Variants in CTNNA2 observed in about 807,000 individuals in gnomAD.
The protein encoded by CTNNA2 is catenin alpha 2.
CTNNA2 carries 42 observed loss-of-function variants against 101.0 expected under a neutral mutation model. The observed-to-expected ratio is 0.42, with a 90% CI of 0.32 to 0.54. The LOEUF is 0.54. CTNNA2 is among the 20% of genes least tolerant of loss of function. The pLI is 0.14. For missense variants in CTNNA2, 871 were observed against 1,223.1 expected (o/e 0.71, Z 4.29); for synonymous variants, 450 against 456.4 (o/e 0.99, Z 0.18).
chr2:80,250,468 C>A (rs553114724), intron 7 of CTNNA2, among the ~76,000 whole-genome samples: 1 of 152,104 alleles, frequency 6.6e-6, no homozygotes, highest in South Asian at 2.1e-4. Flanking sequence ...CCAGTGAAGA[C>A]CAACATTTTA....
intron 3 of CTNNA2, among the ~76,000 whole-genome samples, chr2:79,824,359 A>G (rs1209777896): frequency 6.6e-6 from 1 of 152,140 alleles, no homozygotes; most frequent in Admixed American, 6.6e-5. Flanking sequence ...GTAGTTGTAC[A>G]AGCCAATAAA....
At chr2:80,508,156 C>G (rs1182916113) in intron 9 of CTNNA2, among the ~76,000 whole-genome samples, 1 of 152,052 alleles carries the variant, frequency 6.6e-6, no homozygotes, top group Non-Finnish European at 1.5e-5. Flanking sequence ...GGGTACTTTC[C>G]AGAAGCTTTC....
chr2:80,073,730 T>TCACACA (rs3067109), intron 7 of CTNNA2, among the ~76,000 whole-genome samples: 2,618 of 130,460 alleles, frequency 0.02, 33 homozygotes, highest in Middle Eastern at 0.031. Flanking sequence ...TCTCTCTCTG[T>TCACACA]CACACACACA....
intron 7 of CTNNA2, among the ~76,000 whole-genome samples, chr2:80,362,068 G>A (rs779903971): frequency 6.6e-6 from 1 of 152,100 alleles, no homozygotes; most frequent in Non-Finnish European, 1.5e-5. Flanking sequence ...AATTGACTTT[G>A]TCTCAAAGAA....
intron 4 of CTNNA2, among the ~76,000 whole-genome samples, chr2:79,491,792 C>T (rs981165523): frequency 6.6e-6 from 1 of 152,162 alleles, no homozygotes; most frequent in Non-Finnish European, 1.5e-5. Context: ...TACAACCATG[C>T]TTTTAAGCAG....
At chr2:80,208,345 G>C (rs768941516) in intron 7 of CTNNA2, among the ~76,000 whole-genome samples, 1 of 152,156 alleles carries the variant, frequency 6.6e-6, no homozygotes, top group African/African-American at 2.4e-5. Flanking sequence ...AAATAGATGG[G>C]TGGATAGATA....
intron 9 of CTNNA2, among the ~76,000 whole-genome samples, chr2:80,541,572 T>G (rs564685926): frequency 6.6e-6 from 1 of 152,190 alleles, no homozygotes; most frequent in South Asian, 2.1e-4. Context: ...TGGAAGTTAC[T>G]AGTTAGCGTT....
intron 3 of CTNNA2, among the ~76,000 whole-genome samples, chr2:79,359,734 C>T (rs529217442): frequency 1.3e-5 from 2 of 152,192 alleles, no homozygotes; most frequent in Middle Eastern, 3.4e-3. Flanking sequence ...TGTTAAACAA[C>T]ATGTTTATGG....
At position 80,087,962 on chromosome 2, in the gene CTNNA2, G is replaced by A. The variant is rs150626721; in HGVS notation, c.1056+178165G>A. 5.3e-5 allele frequency among the ~76,000 whole-genome samples: 8 copies of A among 151,820 alleles called. No individual in the cohort carries two copies. In the East Asian group the frequency reaches 1.6e-3, roughly 30 times the overall value. Reference sequence around the variant, plus strand: ...GTCTTAACAAGAAGGAATATGAATGGGCTGAATCACGTATTAATCACTTCA... The same window carrying A: ...GTCTTAACAAGAAGGAATATGAATGAGCTGAATCACGTATTAATCACTTCA... On this transcript the variant is annotated intron_variant, in intron 7 of 18. Transcript: ENST00000402739.
rs576974320 is a variant in CTNNA2 at position 79,487,988 on chromosome 2, A to G, written c.-134-17066A>G. 3.9e-5 allele frequency among the ~76,000 whole-genome samples: 6 copies of G among 152,292 alleles called. 1 individual carries two copies. The South Asian group carries it at 1.0e-3, about 26-fold the overall frequency. On this transcript the variant is annotated intron_variant, in intron 4 of 21. Transcript: ENST00000466387. ...AGTGTTTAATGATTTGGGGATCAGT[A>G]ACATACTCTCTGGTCCTAGTTCTTC... is the stretch of plus-strand genomic sequence containing the variant.
chr2:79,287,595 G>T (rs1675645355), intron 2 of CTNNA2, among the ~76,000 whole-genome samples: 1 of 150,704 alleles, frequency 6.6e-6, no homozygotes, highest in African/African-American at 2.5e-5. Context: ...TGAGGAGGCA[G>T]TCTGCCCATT....
chr2:79,628,006 G>A (rs997981646), intron 1 of CTNNA2, among the ~76,000 whole-genome samples: 1 of 152,100 alleles, frequency 6.6e-6, no homozygotes, highest in African/African-American at 2.4e-5. Flanking sequence ...TATTTTTATA[G>A]TGTACACATA....
intron 6 of CTNNA2, among the ~76,000 whole-genome samples, chr2:79,893,915 A>C (rs1264504029): frequency 6.6e-6 from 1 of 152,104 alleles, no homozygotes; most frequent in African/African-American, 2.4e-5. Context: ...TAACATCTGA[A>C]TTTGAATGAT....
chr2:79,936,516 A>G (rs1202030704), intron 7 of CTNNA2, among the ~76,000 whole-genome samples: 2 of 148,522 alleles, frequency 1.3e-5, no homozygotes, highest in Non-Finnish European at 3.0e-5. Context: ...GCCACCATCT[A>G]GTGGCTGTTT....
chr2:79,641,812 T>C (rs1282427792), intron 1 of CTNNA2, among the ~76,000 whole-genome samples: 1 of 152,220 alleles, frequency 6.6e-6, no homozygotes, highest in Non-Finnish European at 1.5e-5. Context: ...TTATTTTCAA[T>C]TTCAAATTAC....
At chr2:79,364,404 A>G (rs2104449581) in intron 3 of CTNNA2, among the ~76,000 whole-genome samples, 1 of 152,326 alleles carries the variant, frequency 6.6e-6, no homozygotes, top group Non-Finnish European at 1.5e-5. Context: ...TATACTTAGG[A>G]GATCCACAAA....
chr2:79,657,922 C>A (rs1380853754), intron 2 of CTNNA2, among the ~76,000 whole-genome samples: 1 of 151,416 alleles, frequency 6.6e-6, no homozygotes, highest in East Asian at 1.9e-4. Flanking sequence ...TAATGTACCA[C>A]GTAAATTTTG....
intron 7 of CTNNA2, among the ~76,000 whole-genome samples, chr2:80,079,024 A>G (rs1698945291): frequency 6.6e-6 from 1 of 152,138 alleles, no homozygotes; most frequent in Non-Finnish European, 1.5e-5. Flanking sequence ...AGCATTTACA[A>G]TAGAAAGTCT....
At chr2:80,199,770 A>G (rs2149013362) in intron 7 of CTNNA2, among the ~76,000 whole-genome samples, 1 of 152,318 alleles carries the variant, frequency 6.6e-6, no homozygotes, top group Non-Finnish European at 1.5e-5. Context: ...TAGTAAAGGG[A>G]GATTAAATGT....
Sources: gnomAD v4.1 joint callset for allele counts (sites outside exome capture counted in the v4.1 genomes callset) on GRCh38, gnomAD v4.1.1 for gene constraint, MANE v1.5 for transcripts, NCBI Gene and HGNC (gene_info 2026-07-23, HGNC 2026-07-21) for gene names.